The following PHACTR2 variants were observed in gnomAD, a reference collection of about 807,000 sequenced individuals.
PHACTR2 encodes the protein chromosome 6 open reading frame 56.
PHACTR2 carries 30 observed loss-of-function variants against 76.0 expected under a neutral mutation model. That is an observed-to-expected ratio of 0.39 (90% CI 0.30 to 0.54). The LOEUF is 0.54. PHACTR2 is among the 20% of genes least tolerant of loss of function. PHACTR2 has a pLI of 0.61. For missense variants in PHACTR2, 696 were observed against 781.1 expected, an observed-to-expected ratio of 0.89 and a Z score of 1.30; for synonymous variants, 292 against 292.5, an observed-to-expected ratio of 1.00 and a Z score of 0.02.
chr6:143,728,209 T>C (rs1486681733), intron 2 of PHACTR2, among the ~76,000 whole-genome samples: 1 of 129,734 alleles, frequency 7.7e-6, no homozygotes, highest in Non-Finnish European at 1.6e-5. Context: ...CCTTTTTTTT[T>C]TTCTTTCTTT....
rs1188189522 is a variant in PHACTR2, at chr6:143,755,616, T to C, written c.454+1704T>C. 3.5e-6 allele frequency: 1 copy of C among 284,540 alleles called. No homozygotes were observed. Among genetic ancestry groups the C allele is most frequent in the East Asian group, 8.7e-5 (1 of 11,478 alleles). The allele number at this position is 284,540 out of a possible 1,614,324, so 17.6% of individuals were successfully genotyped here. ...GTACATTCAATTCTTCCTTATCTGA[T>C]AAGGTCCAAGAGAGCCTGTTGCTTG... On this transcript the variant is annotated intron_variant, in intron 4 of 12. Coordinates refer to ENST00000440869, the MANE Select transcript of PHACTR2 (RefSeq NM_001100164.2). The surrounding 1 kb of genome is among the most constrained non-coding windows in gnomAD (Gnocchi z 5.2).
intron 1 of PHACTR2, among the ~76,000 whole-genome samples, chr6:143,686,706 C>T (rs1303611021): frequency 6.6e-6 from 1 of 151,932 alleles, no homozygotes; most frequent in South Asian, 2.1e-4. Context: ...AGGCTCGTCT[C>T]GAACTCCTGA....
chr6:143,617,205 C>A lies in PHACTR2; in HGVS notation c.13+8883C>A, dbSNP rs1776071953. Among the ~76,000 whole-genome samples, 1 of 152,164 alleles carries A rather than the reference C, an allele frequency of 6.6e-6. No individual in the cohort carries two copies. The highest frequency in any genetic ancestry group is 2.1e-4 in the South Asian group (1 of 4,822). On this transcript the variant is annotated intron_variant, in intron 1 of 11. Transcript: ENST00000305766. This position sits in a 1 kb window ranked among gnomAD's most constrained non-coding sequence, Gnocchi z 4.8. ...CCCTGTGTCAAGGCCCAGCACATAT[C>A]CCATCTTACAACGTCTTCCCAACTG...
rs1307906026 is a variant in PHACTR2, at chr6:143,800,198, G to A, written c.1846-6859G>A. Among the ~76,000 whole-genome samples, 5 of 152,106 alleles carry A rather than the reference G, an allele frequency of 3.3e-5. No homozygotes were observed. The highest frequency in any genetic ancestry group is 7.4e-5 in the Non-Finnish European group (5 of 68,006). On this transcript the variant is annotated intron_variant, in intron 11 of 12. Transcript: ENST00000440869. The surrounding 1 kb of genome is among the most constrained non-coding windows in gnomAD (Gnocchi z 4.8). The stretch of plus-strand genomic sequence containing the variant: ...GTCTGTTTTATCAGAGACCAGGATT[G>A]CAACCTGTGCTATTTTTTTACTTTC...
In PHACTR2 at chr6:143,627,176, G is replaced by T. The variant is rs1489815256; in HGVS notation, c.13+18854G>T. On this transcript the variant is annotated intron_variant, in intron 1 of 11. Transcript: ENST00000305766. The surrounding 1 kb of genome is among the most constrained non-coding windows in gnomAD (Gnocchi z 4.3). ...GGGAAGTGCCACTTGGTGATGTAGGGGAGGCTCCAAGGGTGATGATATTTG... is the reference window on the plus strand; with the variant it reads ...GGGAAGTGCCACTTGGTGATGTAGGTGAGGCTCCAAGGGTGATGATATTTG... Among the ~76,000 whole-genome samples, 1 of 152,156 alleles carries T rather than the reference G, an allele frequency of 6.6e-6. No individual in the cohort carries two copies. The highest frequency in any genetic ancestry group is 1.5e-5 in the Non-Finnish European group (1 of 68,034).
Position 143,806,006 on chromosome 6 carries a change from C to T in PHACTR2, c.1846-1051C>T, listed in dbSNP as rs1449707200. 1.3e-5 allele frequency among the ~76,000 whole-genome samples: 2 copies of T among 152,180 alleles called. No homozygotes were observed. Among genetic ancestry groups the T allele is most frequent in the African/African-American group, 4.8e-5 (2 of 41,440 alleles). On this transcript the variant is annotated intron_variant, in intron 11 of 12. Transcript: ENST00000440869. The surrounding 1 kb of genome is among the most constrained non-coding windows in gnomAD (Gnocchi z 5.8). ...AGTGAAGTCACTCCCTGTGACTTAT[C>T]ATTCTTAGTTTTGGCTGAAGAGTCC... is the stretch of plus-strand genomic sequence containing the variant.
chr6:143,587,976 G>A (rs1775647291), intron 1 of PHACTR2, among the ~76,000 whole-genome samples: 1 of 150,056 alleles, frequency 6.7e-6, no homozygotes, highest in Admixed American at 6.7e-5. Flanking sequence ...TCGTGCCATT[G>A]CCCTCCAGCC....
rs151314766 is a variant in PHACTR2 at position 143,763,346 on chromosome 6, G to A, written c.695-1915G>A. Among the ~76,000 whole-genome samples the A allele has an allele frequency of 8.7e-3, 1,320 of 151,912 alleles. 18 individuals carry two copies. Among genetic ancestry groups the A allele is most frequent in the African/African-American group, 0.03 (1,244 of 41,424 alleles). On this transcript the variant is annotated intron_variant, in intron 5 of 12. Transcript: ENST00000440869. ...TGCACTCCAGTCTGGGTGACAGAGG[G>A]AGACTCTGTCTCAAAAAAAACAAAA...
intron 6 of PHACTR2, among the ~76,000 whole-genome samples, chr6:143,771,190 GTGTGTATATATATA>G (rs1775115167): frequency 4.5e-5 from 1 of 22,458 alleles, no homozygotes; most frequent in Non-Finnish European, 7.0e-5. Context: ...ATATATATAT[GTGTGTATATATATA>G]TATATATATA....
At chr6:143,588,536 T>C (rs1775653050) in intron 1 of PHACTR2, among the ~76,000 whole-genome samples, 1 of 152,172 alleles carries the variant, frequency 6.6e-6, no homozygotes, top group Non-Finnish European at 1.5e-5. Flanking sequence ...GAAAACCAGA[T>C]GTCCCAAATG....
At chr6:143,705,587 T>C (rs754980183) in intron 1 of PHACTR2, among the ~76,000 whole-genome samples, 2 of 152,164 alleles carry the variant, frequency 1.3e-5, no homozygotes, top group Admixed American at 6.5e-5. Flanking sequence ...TGAGCCACCG[T>C]GCCTGGCCAG....
chr6:143,645,942 A>G (rs1422903737), intron 1 of PHACTR2, among the ~76,000 whole-genome samples: 1 of 152,204 alleles, frequency 6.6e-6, no homozygotes, highest in Non-Finnish European at 1.5e-5. Flanking sequence ...TAATATCAAA[A>G]TTTATAAAGA....
intron 2 of PHACTR2, among the ~76,000 whole-genome samples, chr6:143,724,512 T>G (rs1778515574): frequency 6.6e-6 from 1 of 152,198 alleles, no homozygotes; most frequent in Non-Finnish European, 1.5e-5. Flanking sequence ...TTCTTTCACC[T>G]TCCCTTTTAG....
chr6:143,703,901 T>C (rs1457947485), intron 1 of PHACTR2, among the ~76,000 whole-genome samples: 1 of 152,186 alleles, frequency 6.6e-6, no homozygotes, highest in African/African-American at 2.4e-5. Flanking sequence ...AATTTTTACA[T>C]TTAACCATTT....
At position 143,689,851 on chromosome 6, in the gene PHACTR2, C is replaced by G. The variant is rs1412744912; in HGVS notation, c.46+11642C>G. On this transcript the variant is annotated intron_variant, in intron 1 of 12. Transcript: ENST00000440869. The surrounding 1 kb of genome is among the most constrained non-coding windows in gnomAD (Gnocchi z 4.4). ...GGGATTACAGGCACCTGCCACCACG[C>G]CCGGCTAATTTTTGTATTTTTAGTA... 6.6e-6 allele frequency among the ~76,000 whole-genome samples: 1 copy of G among 152,052 alleles called. No individual in the cohort carries two copies. Among genetic ancestry groups the G allele is most frequent in the Non-Finnish European group, 1.5e-5 (1 of 68,012 alleles).
Position 143,827,196 on chromosome 6 carries a change from A to ATATGTATG in PHACTR2, c.*3514_*3515insGTATGTAT, listed in dbSNP as rs1185045845. 2.5e-5 allele frequency: 3 copies of ATATGTATG among 120,188 alleles called. No homozygotes were observed. The highest frequency in any genetic ancestry group is 9.1e-5 in the African/African-American group (3 of 33,066). 7.4% of individuals were successfully genotyped at this position (120,188 alleles called of 1,614,324 possible). On this transcript the variant is annotated 3_prime_UTR_variant, in exon 13 of 13. Coordinates refer to ENST00000440869, the MANE Select transcript of PHACTR2 (RefSeq NM_001100164.2). ...TATATATATATATATATATATATAT[A>ATATGTATG]TATGTATATTATATATACAGTAGCT...
At chr6:143,677,740 T>A (rs1245358028), upstream of PHACTR2, among the ~76,000 whole-genome samples, 1 of 152,210 alleles carries the variant, frequency 6.6e-6, no homozygotes, top group Non-Finnish European at 1.5e-5. Context: ...CCCGTAAGGA[T>A]CATTTGACTT....
At chr6:143,725,504 C>A (rs1479036604) in intron 2 of PHACTR2, among the ~76,000 whole-genome samples, 3 of 147,514 alleles carry the variant, frequency 2.0e-5, no homozygotes, top group Non-Finnish European at 4.5e-5. Context: ...CCGGCCTGTG[C>A]TGTCTTTTTA....
intron 7 of PHACTR2, 60 bp from the exon 8 acceptor site, chr6:143,773,999 C>T (rs1471959985): frequency 2.0e-6 from 3 of 1,485,670 alleles, no homozygotes; most frequent in African/African-American, 2.8e-5. Context: ...CCATGTGTAA[C>T]CTGAGTGCCA....
Sources: gnomAD v4.1 joint callset for allele counts (sites outside exome capture counted in the v4.1 genomes callset) on GRCh38, gnomAD v4.1.1 for gene constraint, Gnocchi (gnomAD v3.1) non-coding constraint, MANE v1.5 for transcripts, NCBI Gene and HGNC (gene_info 2026-07-23, HGNC 2026-07-21) for gene names.